Variants in DLG2 observed in about 807,000 individuals in gnomAD.
The protein encoded by DLG2 is disks large homolog 2.
DLG2 carries 45 observed loss-of-function variants against 132.5 expected under a neutral mutation model. The ratio of observed to expected loss-of-function variants is 0.34; its 90% CI spans 0.27 to 0.44. The LOEUF is 0.44. Ranked by LOEUF, DLG2 falls within the 20% of genes least tolerant of loss-of-function variation. DLG2 has a pLI of 1.00. For missense variants in DLG2, 1,045 were observed against 1,196.9 expected (o/e 0.87, Z 1.87); for synonymous variants, 424 against 419.6 (o/e 1.01, Z -0.13).
At chr11:85,424,693 T>C in intron 3 of DLG2, among the ~76,000 whole-genome samples, 1 of 152,316 alleles carries the variant, frequency 6.6e-6, no homozygotes, top group Non-Finnish European at 1.5e-5. Flanking sequence ...GTTAAGTAAA[T>C]GGCCCAAAGT....
chr11:85,254,560 GA>G (rs796649490), intron 4 of DLG2, among the ~76,000 whole-genome samples: 1 of 151,864 alleles, frequency 6.6e-6, no homozygotes, highest in Non-Finnish European at 1.5e-5. Context: ...AATTATAAAA[GA>G]AAAATAGGAA....
chr11:84,586,277 T>C (rs1435980663), intron 6 of DLG2, among the ~76,000 whole-genome samples: 6 of 152,202 alleles, frequency 3.9e-5, no homozygotes, highest in Admixed American at 3.3e-4. Flanking sequence ...AAATTTACAA[T>C]GTATATTTAT....
chr11:84,535,234 C>A (rs921366684), intron 6 of DLG2, among the ~76,000 whole-genome samples: 1 of 152,172 alleles, frequency 6.6e-6, no homozygotes, highest in Admixed American at 6.5e-5. Flanking sequence ...TTGTCACCCA[C>A]ATTATTTGTA....
intron 7 of DLG2, among the ~76,000 whole-genome samples, chr11:84,426,804 GAT>G (rs2098968046): frequency 6.6e-6 from 1 of 152,060 alleles, no homozygotes; most frequent in African/African-American, 2.4e-5. Context: ...AAGGAGAAGT[GAT>G]ATGTCTTAAC....
chr11:85,441,385 G>T (rs926732089), intron 3 of DLG2, among the ~76,000 whole-genome samples: 1 of 152,038 alleles, frequency 6.6e-6, no homozygotes, highest in Admixed American at 6.5e-5. Flanking sequence ...TAATAGGCCT[G>T]AGTCTTCTCC....
At chr11:85,624,270 C>T (rs1393600868) in intron 2 of DLG2, among the ~76,000 whole-genome samples, 1 of 152,206 alleles carries the variant, frequency 6.6e-6, no homozygotes, top group African/African-American at 2.4e-5. Flanking sequence ...TGAGATGTCA[C>T]ACCCATTCCC....
intron 3 of DLG2, among the ~76,000 whole-genome samples, chr11:85,331,934 C>A (rs1019300692): frequency 6.6e-6 from 1 of 152,146 alleles, no homozygotes; most frequent in Non-Finnish European, 1.5e-5. Flanking sequence ...CATACAAGTA[C>A]ATATGTCTTT....
At chr11:84,065,610 G>A (rs1232957273) in intron 10 of DLG2, among the ~76,000 whole-genome samples, 2 of 152,166 alleles carry the variant, frequency 1.3e-5, no homozygotes, top group Admixed American at 1.3e-4. Context: ...GCTTATAATT[G>A]TTGGTGGGAG....
At chr11:85,183,556 T>C (rs1200108648) in intron 4 of DLG2, among the ~76,000 whole-genome samples, 1 of 151,942 alleles carries the variant, frequency 6.6e-6, no homozygotes, top group African/African-American at 2.4e-5. Flanking sequence ...TTTATCTTAC[T>C]ACATCAAATC....
intron 22 of DLG2, chr11:83,483,435 T>C: frequency 1.7e-6 from 1 of 582,164 alleles, no homozygotes; most frequent in Non-Finnish European, 3.0e-6. Flanking sequence ...CATTCTCTCT[T>C]CTTTTAAAAA....
chr11:83,815,372 AT>A (rs2048564994), intron 17 of DLG2: 1 of 152,612 alleles, frequency 6.6e-6, no homozygotes, highest in Non-Finnish European at 1.5e-5. Context: ...AGTTCTTATA[AT>A]GGAGACCTTA....
chr11:83,582,145 G>A (rs556768972), intron 19 of DLG2, among the ~76,000 whole-genome samples: 37 of 151,702 alleles, frequency 2.4e-4, no homozygotes, highest in Non-Finnish European at 4.0e-4. Context: ...TAGTAGAGGC[G>A]GGGTTTCTCC....
chr11:84,145,900 C>T (rs1181367378), intron 9 of DLG2, among the ~76,000 whole-genome samples: 1 of 152,142 alleles, frequency 6.6e-6, no homozygotes, highest in Non-Finnish European at 1.5e-5. Context: ...CACTTTGATG[C>T]TTACATCTAA....
rs181062634 is a variant in DLG2, at chr11:85,281,212, C to T, written c.186+4008G>A. Among the ~76,000 whole-genome samples, 21 of 152,106 alleles carry T rather than the reference C, an allele frequency of 1.4e-4. 1 individual carries two copies. Among genetic ancestry groups the T allele is most frequent in the African/African-American group, 4.1e-4 (17 of 41,540 alleles). ...AAGATCTTCCCAAGCTGAATGCAAA[C>T]AAGTCGATGTCACTTTCTTTCCAGA... is the stretch of plus-strand genomic sequence containing the variant. On this transcript the variant is annotated intron_variant, in intron 4 of 27. Transcript: ENST00000376104.
intron 3 of DLG2, among the ~76,000 whole-genome samples, chr11:85,485,965 A>G (rs886187050): frequency 5.3e-5 from 8 of 152,134 alleles, no homozygotes; most frequent in Admixed American, 3.9e-4. Context: ...CCCACAGACA[A>G]CTAGGATAGT....
chr11:83,867,148 C>G (rs1017731659), intron 16 of DLG2, among the ~76,000 whole-genome samples: 2 of 152,060 alleles, frequency 1.3e-5, no homozygotes, highest in Admixed American at 1.3e-4. Context: ...ACTCAGGCCT[C>G]CAGGTTGGCC....
intron 3 of DLG2, among the ~76,000 whole-genome samples, chr11:85,542,544 T>A (rs549625783): frequency 2.0e-5 from 3 of 152,130 alleles, no homozygotes; most frequent in Admixed American, 1.3e-4. Flanking sequence ...AATATCAGCA[T>A]TTTTTTCCTT....
At chr11:84,712,853 T>A (rs1757208642) in intron 6 of DLG2, among the ~76,000 whole-genome samples, 1 of 152,116 alleles carries the variant, frequency 6.6e-6, no homozygotes, top group South Asian at 2.1e-4. Flanking sequence ...TAGTTCAGAG[T>A]TAGAGGTCAT....
At chr11:83,963,766 A>T (rs534307716) in intron 13 of DLG2, among the ~76,000 whole-genome samples, 1 of 152,012 alleles carries the variant, frequency 6.6e-6, no homozygotes, top group East Asian at 1.9e-4. Context: ...TCATCCGCAA[A>T]CATAGGCTGT....
Sources: gnomAD v4.1 joint callset for allele counts (sites outside exome capture counted in the v4.1 genomes callset) on GRCh38, gnomAD v4.1.1 for gene constraint, MANE v1.5 for transcripts, NCBI Gene and HGNC (gene_info 2026-07-23, HGNC 2026-07-21) for gene names.